Variants in AKAP4 observed in about 807,000 individuals in gnomAD.
AKAP4 encodes the protein A-kinase anchor protein 4.
Under a neutral mutation model 42.6 loss-of-function variants are expected in AKAP4, and 4 were observed. The observed-to-expected ratio is 0.09, with a 90% CI of 0.05 to 0.22. AKAP4 has a LOEUF of 0.22. AKAP4 is among the 10% of genes least tolerant of loss of function. The probability of loss-of-function intolerance (pLI) is 1.00; values close to 1 mark genes in which losing one functional copy is unlikely to be tolerated. For missense variants in AKAP4, 551 were observed against 630.7 expected, an observed-to-expected ratio of 0.87 and a Z score of 1.35; for synonymous variants, 223 against 233.0, an observed-to-expected ratio of 0.96 and a Z score of 0.39.
chrX:50,200,994 C>T lies in AKAP4; in HGVS notation c.-105G>A. 1.3e-6 allele frequency: 1 copy of T among 795,725 alleles called. No individual in the cohort carries two copies. Among genetic ancestry groups the T allele is most frequent in the Non-Finnish European group, 1.9e-6 (1 of 525,173 alleles). The allele number at this position is 795,725 out of a possible 1,213,427, so 65.6% of individuals were successfully genotyped here. ...TTCTTCAACTCTCCATGCCCTCCTA[C>T]AGCCTTGACTGCCAGCTGGTACCAG... On this transcript the variant is annotated 5_prime_UTR_variant, in exon 1 of 6. Coordinates refer to ENST00000358526, the MANE Select transcript of AKAP4 (RefSeq NM_003886.3).
chrX:50,191,004 C>T lies in AKAP4; in HGVS notation c.2521G>A (p.Val841Met), dbSNP rs782521674. 1 of 1,211,252 alleles carries T rather than the reference C, an allele frequency of 8.3e-7. No individual in the cohort carries two copies. The highest frequency in any genetic ancestry group is 2.2e-5 in the Admixed American group (1 of 45,958). The change falls in exon 6 of 6, where the codon GTG becomes ATG. Residue 841 changes from valine to methionine, a missense_variant. Val to Met is a conservative substitution (Grantham distance 21, BLOSUM62 1). Coordinates refer to ENST00000358526, the MANE Select transcript of AKAP4 (RefSeq NM_003886.3). ...ERQPDEAVGK[V>M]ARKQLLDWLL... is the part of the protein sequence containing the mutation. ...CAGTCCAGCAACTGTTTCCTGGCCA[C>T]CTTTCCCACAGCTTCATCTGGTTGC...
intron 2 of AKAP4, 141 bp from the exon 3 acceptor site, chrX:50,197,735 G>A: frequency 2.1e-6 from 1 of 482,960 alleles, no homozygotes; most frequent in Non-Finnish European, 3.4e-6. Context: ...GCATGTAAAA[G>A]CAGATTGCCT....
chrX:50,191,149 G>A (rs537437122), intron 5 of AKAP4, 34 bp from the exon 6 acceptor site: 1 of 1,193,793 alleles, frequency 8.4e-7, no homozygotes, highest in Non-Finnish European at 1.1e-6. Flanking sequence ...TGAGTTGCGT[G>A]ATGCTTTTTG....
At position 50,196,952 on chromosome X, in the gene AKAP4, C is replaced by T. The variant is rs1935198112; in HGVS notation, c.215G>A (p.Gly72Glu). 1.7e-6 allele frequency: 2 copies of T among 1,208,388 alleles called. No individual in the cohort carries two copies. Among genetic ancestry groups the T allele is most frequent in the African/African-American group, 3.5e-5 (2 of 57,027 alleles). Residue 72 changes from glycine to glutamate, a missense_variant, in exon 4 of 6, where the codon GGA becomes GAA. By Grantham distance (98) the Gly-to-Glu change is moderately conservative (BLOSUM62 -2). Transcript: ENST00000358526. ...GATAATCTCTTTTTCTTCCAGACTT[C>T]CCAGGTTTAAGTTGCCTTCTGAGCT... is the stretch of plus-strand genomic sequence containing the variant. ...SSSSEGNLNL[G>E]SLEEKEIIVI... is the part of the protein sequence containing the mutation.
Position 50,192,648 on chromosome X carries a change from T to G in AKAP4, c.2065A>C (p.Met689Leu), listed in dbSNP as rs782773415. Residue 689 changes from methionine to leucine, a missense_variant, in exon 5 of 6, where the codon ATG (methionine) becomes CTG (leucine). Coordinates refer to ENST00000358526, the MANE Select transcript of AKAP4 (RefSeq NM_003886.3). Reference protein sequence around the residue: ...EHQELDCTSGMKQANGQFIDK... With the variant: ...EHQELDCTSGLKQANGQFIDK... ...ATAAATTGCCCGTTCGCTTGCTTCATCCCACTGGTACAGTCAAGTTCTTGA... is the reference window on the plus strand; with the variant it reads ...ATAAATTGCCCGTTCGCTTGCTTCAGCCCACTGGTACAGTCAAGTTCTTGA... 2 of 1,211,788 alleles carry G rather than the reference T, an allele frequency of 1.7e-6. No homozygotes were observed. The highest frequency in any genetic ancestry group is 3.5e-5 in the South Asian group (2 of 56,973).
intron 5 of AKAP4, among the ~76,000 whole-genome samples, chrX:50,191,659 T>TGTGTGTGAGAGAAA (rs1363221828): frequency 3.9e-4 from 17 of 43,624 alleles, no homozygotes; most frequent in African/African-American, 1.0e-3. Context: ...TGTGTGTGTG[T>TGTGTGTGAGAGAAA]GAGAGAGAGA....
intron 4 of AKAP4, among the ~76,000 whole-genome samples, chrX:50,194,637 T>C (rs1354475976): frequency 9.2e-6 from 1 of 109,204 alleles, no homozygotes; most frequent in Non-Finnish European, 1.9e-5. Context: ...GTATACTTTA[T>C]AGAAGGGTTA....
chrX:50,190,802 C>T lies in AKAP4; in HGVS notation c.*158G>A. ...TTATTATTTTTTTTTATTTTATTTCCCAGTTTGTTGACACCTCTTACATTC... is the reference window on the plus strand; with the variant it reads ...TTATTATTTTTTTTTATTTTATTTCTCAGTTTGTTGACACCTCTTACATTC... On this transcript the variant is annotated 3_prime_UTR_variant, in exon 6 of 6. Coordinates refer to ENST00000358526, the MANE Select transcript of AKAP4 (RefSeq NM_003886.3). 5 of 460,893 alleles carry T rather than the reference C, an allele frequency of 1.1e-5. No homozygotes were observed. Among genetic ancestry groups the T allele is most frequent in the East Asian group, 4.1e-5 (1 of 24,183 alleles). The allele number at this position is 460,893 out of a possible 1,213,427, so 38.0% of individuals were successfully genotyped here.
rs781873017 is a variant in AKAP4, at chrX:50,190,782, A to AT, written c.*177dup. 1.1e-3 allele frequency: 444 copies of AT among 414,845 alleles called. No individual in the cohort carries two copies. Among genetic ancestry groups the AT allele is most frequent in the Non-Finnish European group, 1.4e-3 (360 of 255,603 alleles). 34.2% of individuals were successfully genotyped at this position (414,845 alleles called of 1,213,427 possible). A position where few individuals can be genotyped will look rare whatever the true frequency, so the allele number is the denominator to read the frequency against. ...AAAAAACAATGACACATTTATTATTATTTTTTTTTATTTTATTTCCCAGTT... is the reference window on the plus strand; with the variant it reads ...AAAAAACAATGACACATTTATTATTATTTTTTTTTTATTTTATTTCCCAGTT... On this transcript the variant is annotated 3_prime_UTR_variant, in exon 6 of 6. Coordinates refer to ENST00000358526, the MANE Select transcript of AKAP4 (RefSeq NM_003886.3).
rs192058474 is a variant in AKAP4, at chrX:50,198,836, G to A, written c.28-84C>T. On this transcript the variant is annotated intron_variant, in intron 1 of 5. Transcript: ENST00000358526. ...CAATTTGGATAAGAATCTCTGGAGG[G>A]GTTCTGAAATCCATTTCTGTGTTTC... 8.7e-5 allele frequency: 64 copies of A among 732,134 alleles called. 1 individual carries two copies. The highest frequency in any genetic ancestry group is 1.0e-5 in the Non-Finnish European group (5 of 497,491). 60.3% of individuals were successfully genotyped at this position (732,134 alleles called of 1,213,427 possible).
Position 50,190,917 on chromosome X carries a change from A to G in AKAP4, c.*43T>C. On this transcript the variant is annotated 3_prime_UTR_variant, in exon 6 of 6. Transcript: ENST00000358526. The stretch of plus-strand genomic sequence containing the variant: ...GTGGGGGTGCTCTGGCTGGGATGGA[A>G]TGCTGCTAGGGGGGCTAAGATGAAG... The G allele has an allele frequency of 1.3e-5, 16 of 1,202,590 alleles. No individual in the cohort carries two copies. The highest frequency in any genetic ancestry group is 1.8e-5 in the Non-Finnish European group (16 of 890,670).
chrX:50,192,181 A>G (rs1935120820), intron 5 of AKAP4, 123 bp downstream of exon 5: 14 of 646,397 alleles, frequency 2.2e-5, no homozygotes, highest in Admixed American at 8.6e-5. Context: ...GGTGAAAGTA[A>G]TTCATGAAGC....
Position 50,201,004 on chromosome X carries a change from T to C in AKAP4, c.-115A>G. 1 of 712,717 alleles carries C rather than the reference T, an allele frequency of 1.4e-6. No homozygotes were observed. The highest frequency in any genetic ancestry group is 2.4e-5 in the South Asian group (1 of 40,892). 58.7% of individuals were successfully genotyped at this position (712,717 alleles called of 1,213,427 possible). ...CTCCATGCCCTCCTACAGCCTTGACTGCCAGCTGGTACCAGAGTTACCTCT... is the reference window on the plus strand; with the variant it reads ...CTCCATGCCCTCCTACAGCCTTGACCGCCAGCTGGTACCAGAGTTACCTCT... On this transcript the variant is annotated 5_prime_UTR_variant, in exon 1 of 6. Coordinates refer to ENST00000358526, the MANE Select transcript of AKAP4 (RefSeq NM_003886.3).
In AKAP4 at chrX:50,196,884, A is replaced by G. The variant is rs782293667; in HGVS notation, c.276+7T>C. On this transcript the variant is annotated splice_region_variant and intron_variant, in intron 4 of 5. Coordinates refer to ENST00000358526, the MANE Select transcript of AKAP4 (RefSeq NM_003886.3). ...AGAAGTGGTGGGATCTCAGAGGTTA[A>G]GTGTACCTTAGACTGGTCTTTCTTC... 335 of 1,167,036 alleles carry G rather than the reference A, an allele frequency of 2.9e-4. No individual in the cohort carries two copies. Among genetic ancestry groups the G allele is most frequent in the Non-Finnish European group, 3.8e-4 (325 of 856,707 alleles).
intron 5 of AKAP4, 71 bp downstream of exon 5, chrX:50,192,233 T>C (rs1289751017): frequency 3.2e-5 from 29 of 918,225 alleles, no homozygotes; most frequent in Non-Finnish European, 8.9e-6. Context: ...GATCTTGGGC[T>C]CTAAGTACAA....
intron 4 of AKAP4, among the ~76,000 whole-genome samples, chrX:50,196,020 C>T (rs1794896966): frequency 9.0e-6 from 1 of 111,692 alleles, no homozygotes; most frequent in Admixed American, 9.6e-5. Context: ...TCAAGCAGAT[C>T]TGCATTGTAT....
chrX:50,192,691 T>A lies in AKAP4; in HGVS notation c.2022A>T (p.Glu674Asp), dbSNP rs182407156. 4 of 1,210,464 alleles carry A rather than the reference T, an allele frequency of 3.3e-6. No homozygotes were observed. Among genetic ancestry groups the A allele is most frequent in the Non-Finnish European group, 4.5e-6 (4 of 895,409 alleles). ...ASMSNRSDKA[E>D]EQCQEHQELD... The stretch of plus-strand genomic sequence containing the variant: ...GTTCTTGATGCTCCTGGCATTGTTC[T>A]TCCGCTTTGTCAGATCTGTTGGACA... The change falls in exon 5 of 6, where the codon GAA becomes GAT. Residue 674 changes from glutamate to aspartate, a missense_variant. Physicochemically the swap from Glu to Asp is conservative, Grantham distance 45 (BLOSUM62 2). Transcript: ENST00000358526.
Position 50,192,994 on chromosome X carries a change from G to A in AKAP4, c.1719C>T (p.Ser573=). The part of the protein sequence containing the change: ...KDTCEEDCPG[S]TMGYMAQSTQ... ...TACTCTGAGCCATATAGCCCATGGT[G>A]GAACCAGGACAGTCTTCTTCACATG... The change falls in exon 5 of 6, where the codon TCC becomes TCT. Residue 573 remains serine, a synonymous_variant. Coordinates refer to ENST00000358526, the MANE Select transcript of AKAP4 (RefSeq NM_003886.3). 2 of 1,211,788 alleles carry A rather than the reference G, an allele frequency of 1.7e-6. No individual in the cohort carries two copies. Among genetic ancestry groups the A allele is most frequent in the Non-Finnish European group, 2.2e-6 (2 of 895,521 alleles).
chrX:50,190,826 T>C lies in AKAP4; in HGVS notation c.*134A>G. 2.9e-6 allele frequency: 2 copies of C among 678,026 alleles called. No individual in the cohort carries two copies. The highest frequency in any genetic ancestry group is 3.8e-5 in the Admixed American group (1 of 26,178). The allele number at this position is 678,026 out of a possible 1,213,427, so 55.9% of individuals were successfully genotyped here. On this transcript the variant is annotated 3_prime_UTR_variant, in exon 6 of 6. Transcript: ENST00000358526. ...CCCAGTTTGTTGACACCTCTTACAT[T>C]CACAGGCAACTGCTCAAGTGTATTG...
Sources: allele counts gnomAD v4.1 joint callset (sites outside exome capture counted in the v4.1 genomes callset), GRCh38; gene constraint gnomAD v4.1.1; transcripts MANE v1.5; gene names NCBI Gene and HGNC (gene_info 2026-07-23, HGNC 2026-07-21).